The following COTL1 variants were observed in gnomAD, a reference collection of about 807,000 sequenced individuals.
COTL1 encodes coactosin-like protein.
Under a neutral mutation model 16.5 loss-of-function variants are expected in COTL1, and 15 were observed. The ratio of observed to expected loss-of-function variants is 0.91; its 90% confidence interval spans 0.61 to 1.40. COTL1 has a LOEUF of 1.40. Ranked by LOEUF, COTL1 falls within the 40% of genes most tolerant of loss-of-function variation. The pLI, the probability that COTL1 is intolerant of heterozygous loss-of-function variation, is 0.00. For missense variants in COTL1, 220 were observed against 201.5 expected (o/e 1.09, Z -0.56); for synonymous variants, 112 against 85.3 (o/e 1.31, Z -1.73).
At chr16:84,609,637 A>G (rs1342908540) in intron 2 of COTL1, among the ~76,000 whole-genome samples, 3 of 152,120 alleles carry the variant, frequency 2.0e-5, no homozygotes, top group Non-Finnish European at 4.4e-5. Context: ...CTGGGTTCCC[A>G]CCCAAATCTC....
chr16:84,567,349 G>A (rs1904303290), intron 3 of COTL1: 1 of 170,960 alleles, frequency 5.8e-6, no homozygotes, highest in Non-Finnish European at 1.3e-5. Context: ...AGGTTGGAAA[G>A]GCTCACGGGT....
rs775391880 is a variant in COTL1, at chr16:84,581,312, G to A, written c.318+8793C>T. Reference sequence around the variant, plus strand: ...CCATGAACCACTGGCTTAAGGAAGTGTAAACACGCCACATAGAAATAAACA... The same window carrying A: ...CCATGAACCACTGGCTTAAGGAAGTATAAACACGCCACATAGAAATAAACA... On this transcript the variant is annotated intron_variant, in intron 3 of 3. Coordinates refer to ENST00000262428, the MANE Select transcript of COTL1 (RefSeq NM_021149.5). Among the ~76,000 whole-genome samples the A allele has an allele frequency of 9.2e-5, 14 of 152,178 alleles. 1 individual carries two copies. The highest frequency in any genetic ancestry group is 3.3e-4 in the Admixed American group (5 of 15,286).
chr16:84,615,327 G>C (rs924576436), intron 2 of COTL1, among the ~76,000 whole-genome samples: 2 of 152,226 alleles, frequency 1.3e-5, no homozygotes, highest in South Asian at 4.1e-4. Context: ...CCATCCCTGG[G>C]GGGCAGGAGG....
rs1567528881 is a variant in COTL1 at position 84,566,537 on chromosome 16, G to A, written c.*308C>T. 1 of 297,224 alleles carries A rather than the reference G, an allele frequency of 3.4e-6. No individual in the cohort carries two copies. Among genetic ancestry groups the A allele is most frequent in the Non-Finnish European group, 6.4e-6 (1 of 156,966 alleles). The allele number at this position is 297,224 out of a possible 1,614,324, so 18.4% of individuals were successfully genotyped here. On this transcript the variant is annotated 3_prime_UTR_variant, in exon 4 of 4. Coordinates refer to ENST00000262428, the MANE Select transcript of COTL1 (RefSeq NM_021149.5). ...ATGCCAGGAAAAGGGGTCACTGCAG[G>A]AGGCACCTCGGATCTGATGGCAGGC... is the stretch of plus-strand genomic sequence containing the variant.
At chr16:84,577,066 C>G (rs913413623) in intron 3 of COTL1, 2 of 152,214 alleles carry the variant, frequency 1.3e-5, no homozygotes, top group Non-Finnish European at 2.9e-5. Context: ...GGAAGAGGAG[C>G]CAAATGAAAA....
chr16:84,607,456 G>C (rs979975480), intron 2 of COTL1, among the ~76,000 whole-genome samples: 2 of 152,162 alleles, frequency 1.3e-5, no homozygotes, highest in African/African-American at 2.4e-5. Flanking sequence ...AAAATGTCAG[G>C]TTCCTCCTCA....
chr16:84,597,620 T>C (rs1034755088), intron 2 of COTL1, among the ~76,000 whole-genome samples: 1 of 151,980 alleles, frequency 6.6e-6, no homozygotes, highest in African/African-American at 2.4e-5. Flanking sequence ...CCCACTGACT[T>C]AGAGGAAGAG....
At chr16:84,597,003 C>T (rs928583433) in intron 2 of COTL1, among the ~76,000 whole-genome samples, 4 of 152,102 alleles carry the variant, frequency 2.6e-5, no homozygotes, top group Non-Finnish European at 5.9e-5. Flanking sequence ...CCAGCCAGGG[C>T]CGCATCCTAG....
In COTL1 at chr16:84,590,081, C is replaced by A. The variant is rs761655336; in HGVS notation, c.318+24G>T. 1 of 1,596,814 alleles carries A rather than the reference C, an allele frequency of 6.3e-7. No homozygotes were observed. Among genetic ancestry groups the A allele is most frequent in the East Asian group, 2.2e-5 (1 of 44,446 alleles). Reference sequence around the variant, plus strand: ...GGTGACCCTTGGCGAGCTTTGACCTCCAGACTCTGGAGGAACTCAGTACCT... The same window carrying A: ...GGTGACCCTTGGCGAGCTTTGACCTACAGACTCTGGAGGAACTCAGTACCT... On this transcript the variant is annotated intron_variant, in intron 3 of 3. Coordinates refer to ENST00000262428, the MANE Select transcript of COTL1 (RefSeq NM_021149.5). The surrounding 1 kb of genome is among the most constrained non-coding windows in gnomAD (Gnocchi z 5.5).
chr16:84,586,376 T>C (rs1904733682), intron 3 of COTL1, among the ~76,000 whole-genome samples: 2 of 151,886 alleles, frequency 1.3e-5, no homozygotes, highest in African/African-American at 4.8e-5. Flanking sequence ...TTTCCTCCAA[T>C]CCCCCTCAGT....
intron 2 of COTL1, among the ~76,000 whole-genome samples, chr16:84,598,938 G>A (rs1373196160): frequency 6.6e-6 from 1 of 151,776 alleles, no homozygotes; most frequent in Non-Finnish European, 1.5e-5. Flanking sequence ...CAGAAACAGA[G>A]GATGACCACA....
At chr16:84,611,619 C>A (rs1406894191) in intron 2 of COTL1, among the ~76,000 whole-genome samples, 6 of 152,306 alleles carry the variant, frequency 3.9e-5, no homozygotes, top group Admixed American at 3.9e-4. Flanking sequence ...TCGTGCCCCA[C>A]AGAGTAGCAG....
At chr16:84,615,853 T>TTGTGTGTGTGTG (rs112335989) in intron 2 of COTL1, among the ~76,000 whole-genome samples, 7,843 of 149,706 alleles carry the variant, frequency 0.052, 236 homozygotes, top group South Asian at 0.12. Flanking sequence ...AATTTTAGTT[T>TTGTGTGTGTGTG]TGTGTGTGTG....
intron 2 of COTL1, among the ~76,000 whole-genome samples, chr16:84,605,878 C>T (rs1441366697): frequency 1.3e-5 from 2 of 152,228 alleles, no homozygotes; most frequent in East Asian, 3.8e-4. Flanking sequence ...AGGAAAGTAA[C>T]ACAATGACCC....
chr16:84,600,862 A>G (rs2914843), intron 2 of COTL1, among the ~76,000 whole-genome samples: 16,719 of 152,284 alleles, frequency 0.11, 1,106 homozygotes, highest in East Asian at 0.22. Context: ...CAGAACCTCC[A>G]GGGTATAAGC....
At chr16:84,607,352 G>C (rs1905234157) in intron 2 of COTL1, among the ~76,000 whole-genome samples, 2 of 152,120 alleles carry the variant, frequency 1.3e-5, no homozygotes, top group African/African-American at 2.4e-5. Context: ...CGCGGCACAG[G>C]GGAAGAGCTG....
chr16:84,590,350 C>G lies in COTL1; in HGVS notation c.161-88G>C. 6.7e-7 allele frequency: 1 copy of G among 1,497,136 alleles called. No homozygotes were observed. The highest frequency in any genetic ancestry group is 9.1e-7 in the Non-Finnish European group (1 of 1,098,314). 92.7% of individuals were successfully genotyped at this position (1,497,136 alleles called of 1,614,324 possible). A position where few individuals can be genotyped will look rare whatever the true frequency, so the allele number is the denominator to read the frequency against. ...GGGGAGAGGCTGTGAGCCACGAGTG[C>G]GCCTGGAGCAGCACAGCAGGAGACC... On this transcript the variant is annotated intron_variant, in intron 2 of 3. Transcript: ENST00000262428. This position sits in a 1 kb window ranked among gnomAD's most constrained non-coding sequence, Gnocchi z 5.5.
At position 84,602,885 on chromosome 16, in the gene COTL1, A is replaced by C. The variant is rs556688231; in HGVS notation, c.161-12623T>G. On this transcript the variant is annotated intron_variant, in intron 2 of 3. Transcript: ENST00000262428. Reference sequence around the variant, plus strand: ...AAAAAGTGCATGGAAAGGGAAGGCCAAAAAGGCAGTGTTGCTGGAGTCAGC... The same window carrying C: ...AAAAAGTGCATGGAAAGGGAAGGCCCAAAAGGCAGTGTTGCTGGAGTCAGC... 2.0e-5 allele frequency among the ~76,000 whole-genome samples: 3 copies of C among 151,840 alleles called. No homozygotes were observed. The East Asian group carries it at 5.8e-4, about 29-fold the overall frequency.
chr16:84,590,842 GC>G lies in COTL1; in HGVS notation c.161-581del, dbSNP rs1174501370. Among the ~76,000 whole-genome samples, 1 of 152,130 alleles carries G rather than the reference GC, an allele frequency of 6.6e-6. No homozygotes were observed. Among genetic ancestry groups the G allele is most frequent in the Non-Finnish European group, 1.5e-5 (1 of 68,026 alleles). Reference sequence around the variant, plus strand: ...TCTACACTGTAGAGAGACAGGAGGGGCAAGGGGGGTGCTGGGTATGAAGAGG... The same window carrying G: ...TCTACACTGTAGAGAGACAGGAGGGGAAGGGGGGTGCTGGGTATGAAGAGG... On this transcript the variant is annotated intron_variant, in intron 2 of 3. Transcript: ENST00000262428. This position sits in a 1 kb window ranked among gnomAD's most constrained non-coding sequence, Gnocchi z 5.5.
Sources: gnomAD v4.1 joint callset for allele counts (sites outside exome capture counted in the v4.1 genomes callset) on GRCh38, gnomAD v4.1.1 for gene constraint, Gnocchi (gnomAD v3.1) non-coding constraint, MANE v1.5 for transcripts, NCBI Gene and HGNC (gene_info 2026-07-23, HGNC 2026-07-21) for gene names.